The following ABHD2 variants were observed in gnomAD, a reference collection of about 807,000 sequenced individuals.
The protein encoded by ABHD2 is monoacylglycerol lipase ABHD2.
In ABHD2, 20 loss-of-function variants were observed where a neutral mutation model predicts 48.1. That is an observed-to-expected ratio of 0.42 (90% confidence interval 0.29 to 0.60). The LOEUF (loss-of-function observed/expected upper bound fraction) is 0.60, where lower values mean the gene tolerates loss of function less well. Ranked by LOEUF, ABHD2 falls within the 20% of genes least tolerant of loss-of-function variation. ABHD2 has a pLI of 0.24. For missense variants in ABHD2, 405 were observed against 550.9 expected (o/e 0.74, Z 2.65); for synonymous variants, 209 against 214.2 (o/e 0.98, Z 0.21).
intron 1 of ABHD2, among the ~76,000 whole-genome samples, chr15:89,111,916 A>G (rs2049881226): frequency 6.6e-6 from 1 of 151,988 alleles, no homozygotes; most frequent in Non-Finnish European, 1.5e-5. Context: ...CTGCCTTTCC[A>G]TCATTTTTTC....
chr15:89,136,161 T>TC (rs2050308496), intron 3 of ABHD2: 1 of 221,024 alleles, frequency 4.5e-6, no homozygotes, highest in African/African-American at 2.4e-5. Context: ...ACTCCTGACC[T>TC]TAGGTGATCT....
the ABHD2 span, among the ~76,000 whole-genome samples, chr15:89,056,093 T>G: frequency 6.6e-6 from 1 of 152,094 alleles, no homozygotes; most frequent in African/African-American, 2.4e-5. Flanking sequence ...CCTCAAGCAA[T>G]CCTCTGACCA....
rs2050031007 is a variant in ABHD2, at chr15:89,120,418, A to G, written c.194+3897A>G. ...TTTTTTTCAATAAAAACTTTGATGC[A>G]TATTCATTTTTTTAAATGGAAAAGG... is the stretch of plus-strand genomic sequence containing the variant. On this transcript the variant is annotated intron_variant, in intron 3 of 10. Coordinates refer to ENST00000352732, the MANE Select transcript of ABHD2 (RefSeq NM_152924.5). The surrounding 1 kb of genome is among the most constrained non-coding windows in gnomAD (Gnocchi z 4.2). 6.6e-6 allele frequency among the ~76,000 whole-genome samples: 1 copy of G among 152,184 alleles called. No individual in the cohort carries two copies.
rs1363222072 is a variant in ABHD2 at position 89,120,580 on chromosome 15, G to A, written c.194+4059G>A. On this transcript the variant is annotated intron_variant, in intron 3 of 10. Coordinates refer to ENST00000352732, the MANE Select transcript of ABHD2 (RefSeq NM_152924.5). The surrounding 1 kb of genome is among the most constrained non-coding windows in gnomAD (Gnocchi z 4.2). ...CGGTTCACTGCAACTTCTGCCTCACGGGTTCAAGTGATTCTCCTACCTCAG... is the reference window on the plus strand; with the variant it reads ...CGGTTCACTGCAACTTCTGCCTCACAGGTTCAAGTGATTCTCCTACCTCAG... Among the ~76,000 whole-genome samples the A allele has an allele frequency of 2.0e-5, 3 of 151,930 alleles. No individual in the cohort carries two copies. Among genetic ancestry groups the A allele is most frequent in the Non-Finnish European group, 4.4e-5 (3 of 67,980 alleles).
At chr15:89,150,834 C>G (rs2150886372) in intron 3 of ABHD2, among the ~76,000 whole-genome samples, 1 of 152,324 alleles carries the variant, frequency 6.6e-6, no homozygotes, top group Admixed American at 6.5e-5. Flanking sequence ...CAAGCTTGGG[C>G]TAAAAGCCAT....
rs2051465872 is a variant in ABHD2, at chr15:89,201,593, TG to T, written c.*6173del. The stretch of plus-strand genomic sequence containing the variant: ...TTACTGAAACAGTCACAGTTGACCC[TG>T]GGTCAATAATTCCACTGTTGGGCCT... On this transcript the variant is annotated 3_prime_UTR_variant, in exon 11 of 11. Coordinates refer to ENST00000352732, the MANE Select transcript of ABHD2 (RefSeq NM_152924.5). 23 of 1,593,304 alleles carry T rather than the reference TG, an allele frequency of 1.4e-5. No homozygotes were observed. The Admixed American group carries it at 3.7e-4, about 25-fold the overall frequency.
intron 1 of ABHD2, among the ~76,000 whole-genome samples, chr15:89,108,794 T>C (rs2049827361): frequency 6.6e-6 from 1 of 152,266 alleles, no homozygotes; most frequent in South Asian, 2.1e-4. Flanking sequence ...TTGTTAGTTC[T>C]TAAGAATTTT....
At chr15:89,140,614 C>G (rs1007309105) in intron 3 of ABHD2, among the ~76,000 whole-genome samples, 2 of 152,098 alleles carry the variant, frequency 1.3e-5, no homozygotes, top group African/African-American at 4.8e-5. Context: ...CATACACACA[C>G]CACCTTATTT....
chr15:89,074,506 T>A, the ABHD2 span, among the ~76,000 whole-genome samples: 1 of 152,180 alleles, frequency 6.6e-6, no homozygotes, highest in Non-Finnish European at 1.5e-5. Flanking sequence ...CTCAGGGGAT[T>A]CTAATGTGTC....
At chr15:89,181,990 A>C (rs1376654023) in intron 6 of ABHD2, among the ~76,000 whole-genome samples, 1 of 152,234 alleles carries the variant, frequency 6.6e-6, no homozygotes, top group African/African-American at 2.4e-5. Context: ...AATGGCTTTG[A>C]AACCAGTATG....
At chr15:89,061,103 GGGAGGGAAGGAT>G in the ABHD2 span, among the ~76,000 whole-genome samples, 3 of 137,090 alleles carry the variant, frequency 2.2e-5, no homozygotes, top group African/African-American at 8.5e-5. Flanking sequence ...GAGGGAAGGA[GGGAGGGAAGGAT>G]TGAAAAACTA....
intron 5 of ABHD2, among the ~76,000 whole-genome samples, chr15:89,169,006 G>A (rs1052156671): frequency 4.6e-5 from 7 of 152,124 alleles, no homozygotes; most frequent in Admixed American, 2.6e-4. Context: ...GTGGAAGGAC[G>A]TCTTGAGCTT....
intron 3 of ABHD2, among the ~76,000 whole-genome samples, chr15:89,139,945 G>T (rs1056687185): frequency 1.3e-5 from 2 of 152,198 alleles, no homozygotes; most frequent in African/African-American, 2.4e-5. Context: ...GTGTGCAGTT[G>T]TCTGGAGCAG....
chr15:89,147,213 G>GA (rs2050506910), intron 3 of ABHD2, among the ~76,000 whole-genome samples: 1 of 151,892 alleles, frequency 6.6e-6, no homozygotes, highest in African/African-American at 2.4e-5. Context: ...TAGTCTGTCA[G>GA]AAAAAAATGA....
rs950761719 is a variant in ABHD2 at position 89,179,382 on chromosome 15, T to G, written c.722+3387T>G. ...ACATTACTGCCTGAGTTCCGCCTCC[T>G]GTCAGATCAGCAGTGACATTAGATT... On this transcript the variant is annotated intron_variant, in intron 6 of 10. Coordinates refer to ENST00000352732, the MANE Select transcript of ABHD2 (RefSeq NM_152924.5). This position sits in a 1 kb window ranked among gnomAD's most constrained non-coding sequence, Gnocchi z 4.3. Among the ~76,000 whole-genome samples, 3 of 152,218 alleles carry G rather than the reference T, an allele frequency of 2.0e-5. No individual in the cohort carries two copies. Among genetic ancestry groups the G allele is most frequent in the African/African-American group, 7.2e-5 (3 of 41,454 alleles).
the ABHD2 span, among the ~76,000 whole-genome samples, chr15:89,046,511 T>G: frequency 6.6e-6 from 1 of 151,878 alleles, no homozygotes; most frequent in Admixed American, 6.6e-5. Context: ...AATTTGGCTG[T>G]GAATCCATCT....
upstream of ABHD2, among the ~76,000 whole-genome samples, chr15:89,083,126 A>G (rs1228585380): frequency 6.6e-6 from 1 of 152,158 alleles, no homozygotes; most frequent in Admixed American, 6.5e-5. The surrounding 1 kb of genome is among the most constrained non-coding windows in gnomAD (Gnocchi z 5.1). Flanking sequence ...AACTGCTGGG[A>G]TTACAGGTGT....
In ABHD2 at chr15:89,201,671, A is replaced by G. The variant is rs1400382315; in HGVS notation, c.*6248A>G. On this transcript the variant is annotated 3_prime_UTR_variant, in exon 11 of 11. Transcript: ENST00000352732. ...TCTTCACTTTGAAACACACTTTTCT[A>G]TCCGATGGATTTCGCAATTTAAGAT... 3.7e-6 allele frequency: 6 copies of G among 1,608,230 alleles called. No homozygotes were observed. Among genetic ancestry groups the G allele is most frequent in the Non-Finnish European group, 5.1e-6 (6 of 1,174,744 alleles).
At chr15:89,133,146 T>C (rs1015474667) in intron 3 of ABHD2, among the ~76,000 whole-genome samples, 1 of 152,248 alleles carries the variant, frequency 6.6e-6, no homozygotes, top group Non-Finnish European at 1.5e-5. Context: ...GTGTTGCCCT[T>C]GCTGTCAGTC....
Sources: gnomAD v4.1 joint callset for allele counts (sites outside exome capture counted in the v4.1 genomes callset) on GRCh38, gnomAD v4.1.1 for gene constraint, Gnocchi (gnomAD v3.1) non-coding constraint, MANE v1.5 for transcripts, NCBI Gene and HGNC (gene_info 2026-07-23, HGNC 2026-07-21) for gene names.